The following DLGAP1 variants were observed in gnomAD, a reference collection of about 807,000 sequenced individuals.
The protein encoded by DLGAP1 is disks large-associated protein 1.
DLGAP1 carries 11 observed loss-of-function variants against 90.8 expected under a neutral mutation model. The ratio of observed to expected loss-of-function variants is 0.12; its 90% CI spans 0.08 to 0.20. The LOEUF is 0.20. Among genes scored for constraint, DLGAP1 ranks in the 10% least tolerant of loss-of-function variants. The pLI, the probability that DLGAP1 is intolerant of heterozygous loss-of-function variation, is 1.00. For synonymous variants in DLGAP1, 558 were observed against 540.7 expected (o/e 1.03, Z -0.44); for missense variants, 1,050 against 1,333.8 (o/e 0.79, Z 3.31).
At chr18:4,193,506 T>C (rs2077438998) in intron 1 of DLGAP1, among the ~76,000 whole-genome samples, 2 of 152,298 alleles carry the variant, frequency 1.3e-5, no homozygotes, top group East Asian at 3.9e-4. Flanking sequence ...AACAGTCAAA[T>C]GCTAGGCTGC....
At chr18:3,812,511 C>A (rs1279916626) in intron 5 of DLGAP1, among the ~76,000 whole-genome samples, 2 of 152,000 alleles carry the variant, frequency 1.3e-5, no homozygotes, top group African/African-American at 4.8e-5. Context: ...TCTAATCAAG[C>A]CACCAAGTTT....
chr18:3,501,378 G>A lies in DLGAP1; in HGVS notation c.2724+1115C>T, dbSNP rs568988999. ...CACAGATTAAAGAAAACTAGATTGG[G>A]TACAAATGTTTGGCTTCCCAAGTGA... is the stretch of plus-strand genomic sequence containing the variant. On this transcript the variant is annotated intron_variant, in intron 12 of 12. Transcript: ENST00000315677. 2.6e-5 allele frequency among the ~76,000 whole-genome samples: 4 copies of A among 152,220 alleles called. No homozygotes were observed. The South Asian group carries it at 6.2e-4, about 24-fold the overall frequency.
intron 3 of DLGAP1, chr18:3,978,355 T>C: frequency 2.9e-6 from 1 of 342,594 alleles, no homozygotes. Flanking sequence ...CAGCATCATC[T>C]CATTTAATTT....
At chr18:4,041,618 A>AC (rs2074975929) in intron 2 of DLGAP1, among the ~76,000 whole-genome samples, 2 of 152,222 alleles carry the variant, frequency 1.3e-5, no homozygotes, top group South Asian at 4.1e-4. Flanking sequence ...TAAGGATGGA[A>AC]CTATCTTGTT....
At chr18:3,629,539 G>A (rs940733675) in intron 7 of DLGAP1, among the ~76,000 whole-genome samples, 1 of 151,978 alleles carries the variant, frequency 6.6e-6, no homozygotes, top group African/African-American at 2.4e-5. Flanking sequence ...GGGCGTGTTG[G>A]TGGGCGCCTG....
chr18:4,218,017 T>C (rs542852709), intron 1 of DLGAP1, among the ~76,000 whole-genome samples: 9 of 152,054 alleles, frequency 5.9e-5, no homozygotes, highest in Non-Finnish European at 1.0e-4. Flanking sequence ...TTCCCTCTTA[T>C]GTTATCTTCT....
At chr18:3,880,958 A>AG (rs1242505289) in intron 3 of DLGAP1, among the ~76,000 whole-genome samples, 1 of 150,804 alleles carries the variant, frequency 6.6e-6, no homozygotes, top group East Asian at 1.9e-4. Context: ...AAAAAAAAAA[A>AG]AAAAAAAAAG....
intron 3 of DLGAP1, among the ~76,000 whole-genome samples, chr18:3,890,862 G>A (rs75943404): frequency 6.6e-6 from 1 of 152,264 alleles, no homozygotes; most frequent in Non-Finnish European, 1.5e-5. Context: ...CCAAAGTGCT[G>A]GAATTACAGA....
At chr18:4,311,958 C>T (rs963869633) in intron 1 of DLGAP1, among the ~76,000 whole-genome samples, 12 of 152,100 alleles carry the variant, frequency 7.9e-5, no homozygotes, top group South Asian at 2.1e-4. Flanking sequence ...TCAAGTGATC[C>T]GCCAGCCTTG....
intron 7 of DLGAP1, chr18:3,656,177 A>C: frequency 1.1e-4 from 159 of 1,401,664 alleles, no homozygotes; most frequent in Non-Finnish European, 1.4e-4. Context: ...CAGGCTTCTC[A>C]TAACACACGC....
intron 3 of DLGAP1, among the ~76,000 whole-genome samples, chr18:3,941,693 T>C (rs965113695): frequency 2.0e-5 from 3 of 152,138 alleles, no homozygotes; most frequent in Non-Finnish European, 4.4e-5. Context: ...CTGGAAAAGG[T>C]ACATAACATT....
chr18:4,298,283 A>T (rs1041524119), intron 1 of DLGAP1, among the ~76,000 whole-genome samples: 2 of 152,186 alleles, frequency 1.3e-5, no homozygotes, highest in Non-Finnish European at 2.9e-5. Flanking sequence ...TTGCGTATAC[A>T]CAAATCTGTG....
chr18:3,534,091 G>C, intron 10 of DLGAP1, 103 bp downstream of exon 10: 1 of 1,329,148 alleles, frequency 7.5e-7, no homozygotes, highest in Non-Finnish European at 1.0e-6. Flanking sequence ...GGAACGTCAA[G>C]GTTATACAAG....
At chr18:4,447,821 T>G (rs917654973) in intron 1 of DLGAP1, among the ~76,000 whole-genome samples, 1 of 152,188 alleles carries the variant, frequency 6.6e-6, no homozygotes, top group African/African-American at 2.4e-5. Flanking sequence ...AAACAGCCTC[T>G]TCATGCTTCT....
chr18:4,131,639 A>G (rs1328920692), intron 2 of DLGAP1, among the ~76,000 whole-genome samples: 4 of 152,186 alleles, frequency 2.6e-5, no homozygotes, highest in Non-Finnish European at 2.9e-5. Flanking sequence ...ACAATGCTCA[A>G]TAATATCTAG....
chr18:4,003,358 A>G (rs2074236330), intron 3 of DLGAP1, among the ~76,000 whole-genome samples: 1 of 152,080 alleles, frequency 6.6e-6, no homozygotes, highest in African/African-American at 2.4e-5. Flanking sequence ...GATAGGAGAA[A>G]AGAGAGAAAA....
intron 2 of DLGAP1, among the ~76,000 whole-genome samples, chr18:4,058,424 T>C (rs2143235253): frequency 6.6e-6 from 1 of 152,354 alleles, no homozygotes; most frequent in Middle Eastern, 3.4e-3. Context: ...CATATACTTT[T>C]TGTTCCTGCT....
At chr18:3,996,220 G>T (rs1289783751) in intron 3 of DLGAP1, among the ~76,000 whole-genome samples, 1 of 152,076 alleles carries the variant, frequency 6.6e-6, no homozygotes, top group East Asian at 1.9e-4. Context: ...AGTCAATTCT[G>T]ATAAGATGTA....
chr18:3,540,650 G>A (rs935049754), intron 9 of DLGAP1, among the ~76,000 whole-genome samples: 29 of 151,948 alleles, frequency 1.9e-4, no homozygotes, highest in African/African-American at 7.0e-4. Flanking sequence ...TATACGGTTA[G>A]CACTGTCCTA....
Sources: allele counts gnomAD v4.1 joint callset (sites outside exome capture counted in the v4.1 genomes callset), GRCh38; gene constraint gnomAD v4.1.1; transcripts MANE v1.5; gene names NCBI Gene and HGNC (gene_info 2026-07-23, HGNC 2026-07-21).